The following CHD2 variants were observed in gnomAD, a reference collection of about 807,000 sequenced individuals.
CHD2 encodes the protein ATP-dependent chromatin remodeler CHD2.
A neutral mutation model predicts 243.9 loss-of-function variants in CHD2; 28 were observed. The ratio of observed to expected loss-of-function variants is 0.11; its 90% CI spans 0.09 to 0.16. CHD2 has a LOEUF of 0.16. CHD2 is among the 10% of genes least tolerant of loss of function. CHD2 has a pLI of 1.00. For synonymous variants in CHD2, 775 were observed against 779.0 expected, an observed-to-expected ratio of 0.99 and a Z score of 0.09; for missense variants, 1,386 against 2,209.8, an observed-to-expected ratio of 0.63 and a Z score of 7.47.
At chr15:92,949,135 A>T in intron 13 of CHD2, 59 bp downstream of exon 13, 3 of 1,579,774 alleles carry the variant, frequency 1.9e-6, no homozygotes, top group Non-Finnish European at 2.6e-6. Flanking sequence ...TTATTGTTAG[A>T]TGTCAAGAAT....
intron 5 of CHD2, among the ~76,000 whole-genome samples, chr15:92,935,369 C>G (rs946814669): frequency 1.7e-4 from 26 of 152,134 alleles, no homozygotes; most frequent in Non-Finnish European, 7.3e-5. Flanking sequence ...GATTCTAAGT[C>G]CTCCTGGTTG....
intron 2 of CHD2, among the ~76,000 whole-genome samples, chr15:92,912,012 A>C (rs538863419): frequency 6.6e-6 from 1 of 152,308 alleles, no homozygotes; most frequent in East Asian, 1.9e-4. Flanking sequence ...TATAAGAAAC[A>C]AATGTGCAAA....
Position 92,998,739 on chromosome 15 carries a change from A to C in CHD2, c.4008+118A>C. 7.6e-7 allele frequency: 1 copy of C among 1,311,984 alleles called. No homozygotes were observed. The highest frequency in any genetic ancestry group is 1.0e-6 in the Non-Finnish European group (1 of 961,218). 81.3% of individuals were successfully genotyped at this position (1,311,984 alleles called of 1,614,324 possible). On this transcript the variant is annotated intron_variant, in intron 31 of 38. Coordinates refer to ENST00000394196, the MANE Select transcript of CHD2 (RefSeq NM_001271.4). This position sits in a 1 kb window ranked among gnomAD's most constrained non-coding sequence, Gnocchi z 5.1. ...CACAGAATGTCACCTTCTCATGGGC[A>C]TATTTTGTTTTTGAGGTTCCAGTAA...
intron 24 of CHD2, among the ~76,000 whole-genome samples, chr15:92,983,033 T>G (rs2053999123): frequency 6.6e-6 from 1 of 152,156 alleles, no homozygotes; most frequent in South Asian, 2.1e-4. Context: ...CTGACTTTTC[T>G]TATCTTCCCA....
rs151065025 is a variant in CHD2 at position 93,005,376 on chromosome 15, C to T, written c.4413+625C>T. Among the ~76,000 whole-genome samples, 214 of 152,204 alleles carry T rather than the reference C, an allele frequency of 1.4e-3. 1 individual carries two copies. The highest frequency in any genetic ancestry group is 3.4e-3 in the Middle Eastern group (1 of 294). On this transcript the variant is annotated intron_variant, in intron 34 of 38. Transcript: ENST00000394196. ...GCGAGTGCATGGACCAGGTCTTGCA[C>T]GGGATTGGATACAGGCCAGTGTGTC...
rs1201245500 is a variant in CHD2, at chr15:92,979,167, T to C, written c.2760T>C (p.Thr920=). ...VNIYRLVTKG[T]VEEEIIERAK... is the part of the protein sequence containing the mutation. The stretch of plus-strand genomic sequence containing the variant: ...TTTACCGCTTAGTTACAAAGGGGAC[T>C]GTGGAGGAGGAGATCATAGAACGGG... Residue 920 remains threonine, a synonymous_variant, in exon 22 of 39, where the codon ACT becomes ACC. Coordinates refer to ENST00000394196, the MANE Select transcript of CHD2 (RefSeq NM_001271.4). The C allele has an allele frequency of 2.5e-6, 4 of 1,614,020 alleles. No individual in the cohort carries two copies. Among genetic ancestry groups the C allele is most frequent in the Non-Finnish European group, 1.7e-6 (2 of 1,179,988 alleles).
chr15:92,954,464 A>G (rs2053593409), intron 14 of CHD2: 1 of 152,228 alleles, frequency 6.6e-6, no homozygotes, highest in African/African-American at 2.4e-5. Context: ...GTAACCATAT[A>G]TTTTCATACA....
Position 92,905,894 on chromosome 15 carries a change from C to A in CHD2, c.62+4595C>A, listed in dbSNP as rs185884817. ...CTGCCACAAGAACGAAAGTAATAAT[C>A]TCACCTCCCTTTTTGTGTAGAGACT... On this transcript the variant is annotated intron_variant, in intron 2 of 38. Transcript: ENST00000394196. 1.3e-4 allele frequency among the ~76,000 whole-genome samples: 20 copies of A among 152,302 alleles called. 1 individual carries two copies. The highest frequency in any genetic ancestry group is 7.8e-4 in the Admixed American group (12 of 15,302).
intron 16 of CHD2, among the ~76,000 whole-genome samples, chr15:92,962,039 G>A (rs373674318): frequency 2.0e-5 from 3 of 151,600 alleles, no homozygotes; most frequent in Non-Finnish European, 4.4e-5. Context: ...CTGCCACCAC[G>A]CTTGGCTAAT....
intron 20 of CHD2, 57 bp downstream of exon 20, chr15:92,975,007 GTC>G: frequency 7.2e-7 from 1 of 1,395,536 alleles, no homozygotes; most frequent in Non-Finnish European, 1.0e-6. Flanking sequence ...CAAGGGGAAA[GTC>G]TCTCTCGCTT....
chr15:93,001,558 C>A (rs764230260), intron 32 of CHD2, among the ~76,000 whole-genome samples: 2 of 151,984 alleles, frequency 1.3e-5, no homozygotes, highest in Non-Finnish European at 2.9e-5. Context: ...GCTTTGTCAC[C>A]CAGGGTAGAG....
At chr15:92,995,729 T>TTC (rs2141865430) in intron 28 of CHD2, among the ~76,000 whole-genome samples, 1 of 152,364 alleles carries the variant, frequency 6.6e-6, no homozygotes, top group African/African-American at 2.4e-5. Flanking sequence ...ATCTAATGAA[T>TTC]ATACCATTTC....
At chr15:92,915,745 G>A (rs952281530) in intron 2 of CHD2, among the ~76,000 whole-genome samples, 5 of 151,970 alleles carry the variant, frequency 3.3e-5, no homozygotes, top group East Asian at 1.9e-4. Flanking sequence ...AATAAATCTC[G>A]GTATCTCCAA....
chr15:92,943,340 G>T (rs2053412263), intron 9 of CHD2: 1 of 390,556 alleles, frequency 2.6e-6, no homozygotes, highest in Non-Finnish European at 4.7e-6. Context: ...GATTTGTACT[G>T]TTATTACCCA....
chr15:92,997,318 C>T lies in CHD2; in HGVS notation c.3800C>T (p.Ser1267Phe). The T allele has an allele frequency of 6.2e-7, 1 of 1,613,836 alleles. No individual in the cohort carries two copies. Among genetic ancestry groups the T allele is most frequent in the Non-Finnish European group, 8.5e-7 (1 of 1,179,914 alleles). The change falls in exon 30 of 39, where the codon TCT becomes TTT. Residue 1267 changes from serine (S) to phenylalanine (F), a missense_variant. Transcript: ENST00000394196. This position sits in a 1 kb window ranked among gnomAD's most constrained non-coding sequence, Gnocchi z 4.1. Reference protein sequence around the residue: ...FDVEWGVEDDSRLLLGIYEHG... With the variant: ...FDVEWGVEDDFRLLLGIYEHG... ...GTAGAGTGGGGGGTGGAAGATGATT[C>T]TCGCCTGTTGCTGGGGATTTATGAA...
At chr15:92,911,152 C>T (rs12908968) in intron 2 of CHD2, among the ~76,000 whole-genome samples, 61,783 of 151,928 alleles carry the variant, frequency 0.41, 12,807 homozygotes, top group Admixed American at 0.45. Context: ...AGTCAGTAGG[C>T]GAAATGATTG....
At position 93,024,359 on chromosome 15, in the gene CHD2, A is replaced by G. The variant is rs747116554; in HGVS notation, c.5154-13A>G. On this transcript the variant is annotated splice_polypyrimidine_tract_variant and intron_variant, in intron 38 of 38. Coordinates refer to ENST00000394196, the MANE Select transcript of CHD2 (RefSeq NM_001271.4). ...CTTCAGTCTTTCGACTAATCCTTGCATCTCTATTTCAGGCACCATCATGAC... is the reference window on the plus strand; with the variant it reads ...CTTCAGTCTTTCGACTAATCCTTGCGTCTCTATTTCAGGCACCATCATGAC... The G allele has an allele frequency of 4.4e-6, 7 of 1,606,626 alleles. No individual in the cohort carries two copies. Among genetic ancestry groups the G allele is most frequent in the Middle Eastern group, 3.3e-4 (2 of 6,018 alleles).
chr15:92,949,164 C>T (rs2053517819), intron 13 of CHD2, 88 bp downstream of exon 13: 3 of 1,573,074 alleles, frequency 1.9e-6, no homozygotes, highest in South Asian at 1.2e-5. Flanking sequence ...TCTTTTTTCA[C>T]ACCCTTATTG....
At position 92,998,306 on chromosome 15, in the gene CHD2, A is replaced by G; in HGVS notation, c.3886-193A>G. On this transcript the variant is annotated intron_variant, in intron 30 of 38. Coordinates refer to ENST00000394196, the MANE Select transcript of CHD2 (RefSeq NM_001271.4). This position sits in a 1 kb window ranked among gnomAD's most constrained non-coding sequence, Gnocchi z 5.1. ...CTGGATTTCTCCATCCCATTTTGTA[A>G]AATGAGAACGGCTCGTGAGGGATTT... is the stretch of plus-strand genomic sequence containing the variant. 5 of 1,322,260 alleles carry G rather than the reference A, an allele frequency of 3.8e-6. No individual in the cohort carries two copies. The highest frequency in any genetic ancestry group is 4.9e-6 in the Non-Finnish European group (5 of 1,017,826). 81.9% of individuals were successfully genotyped at this position (1,322,260 alleles called of 1,614,324 possible).
Sources: allele counts gnomAD v4.1 joint callset (sites outside exome capture counted in the v4.1 genomes callset), GRCh38; gene constraint gnomAD v4.1.1; non-coding constraint Gnocchi (gnomAD v3.1); transcripts MANE v1.5; gene names NCBI Gene and HGNC (gene_info 2026-07-23, HGNC 2026-07-21).